Variants in FEZ1 observed in about 807,000 individuals in gnomAD.
FEZ1 encodes the protein fasciculation and elongation protein zeta-1.
FEZ1 carries 20 observed loss-of-function variants against 49.3 expected under a neutral mutation model. The ratio of observed to expected loss-of-function variants is 0.41; its 90% confidence interval spans 0.29 to 0.59. FEZ1 has a LOEUF of 0.59. Among genes scored for constraint, FEZ1 ranks in the 20% least tolerant of loss-of-function variants. The pLI, the probability that FEZ1 is intolerant of heterozygous loss-of-function variation, is 0.36. For missense variants in FEZ1, 413 were observed against 476.0 expected (o/e 0.87, Z 1.23); for synonymous variants, 170 against 180.9 (o/e 0.94, Z 0.48).
intron 2 of FEZ1, among the ~76,000 whole-genome samples, chr11:125,487,155 C>T (rs548732870): frequency 3.5e-4 from 54 of 152,268 alleles, no homozygotes; most frequent in Non-Finnish European, 6.8e-4. Flanking sequence ...CAGTAAGAAT[C>T]TGCTCATTGG....
At chr11:125,486,432 G>T (rs1591601555) in intron 2 of FEZ1, among the ~76,000 whole-genome samples, 1 of 152,150 alleles carries the variant, frequency 6.6e-6, no homozygotes. Flanking sequence ...TTTCTTGAAT[G>T]CAAAACCAAA....
At chr11:125,459,628 T>C (rs917557080) in intron 5 of FEZ1, among the ~76,000 whole-genome samples, 1 of 152,080 alleles carries the variant, frequency 6.6e-6, no homozygotes, top group Non-Finnish European at 1.5e-5. Flanking sequence ...AGTAACAAAA[T>C]AGTTTTCTTT....
chr11:125,493,402 GAAAGAAA>G (rs1957408862), intron 1 of FEZ1, among the ~76,000 whole-genome samples: 3 of 68,374 alleles, frequency 4.4e-5, no homozygotes, highest in Admixed American at 1.7e-4. Context: ...AAGAAAGAAA[GAAAGAAA>G]GAAAGAAAGA....
intron 5 of FEZ1, 48 bp from the exon 6 acceptor site, chr11:125,456,154 G>A: frequency 2.0e-6 from 3 of 1,516,874 alleles, no homozygotes; most frequent in Non-Finnish European, 2.6e-6. Context: ...CCACACCAGA[G>A]CCCGCTGGGG....
At chr11:125,482,069 G>A (rs552587102) in intron 2 of FEZ1, among the ~76,000 whole-genome samples, 3 of 152,278 alleles carry the variant, frequency 2.0e-5, no homozygotes. Flanking sequence ...GGAACACAGA[G>A]AAAGAGAGAT....
In FEZ1 at chr11:125,443,642, G is replaced by T. The variant is rs1057292142; in HGVS notation, c.*2453C>A. On this transcript the variant is annotated 3_prime_UTR_variant, in exon 10 of 10. Transcript: ENST00000278919. ...CATTTCTAACAAGCTTCTAAGTGCGGTCAGTGCTGCTGGCCTGGAAAGCAC... is the reference window on the plus strand; with the variant it reads ...CATTTCTAACAAGCTTCTAAGTGCGTTCAGTGCTGCTGGCCTGGAAAGCAC... Among the ~76,000 whole-genome samples the T allele has an allele frequency of 6.6e-6, 1 of 152,162 alleles. No individual in the cohort carries two copies. The highest frequency in any genetic ancestry group is 2.4e-5 in the African/African-American group (1 of 41,442).
chr11:125,462,874 C>T (rs998719550), intron 4 of FEZ1, among the ~76,000 whole-genome samples: 4 of 151,840 alleles, frequency 2.6e-5, no homozygotes, highest in African/African-American at 9.7e-5. Context: ...GTGATGCATG[C>T]CTGTAGTCCC....
At chr11:125,463,762 T>C (rs1368181058) in intron 3 of FEZ1, among the ~76,000 whole-genome samples, 192 bp from the exon 4 acceptor site, 1 of 152,208 alleles carries the variant, frequency 6.6e-6, no homozygotes, top group African/African-American at 2.4e-5. Context: ...AACTCCAGCA[T>C]GCCAGAAATC....
At chr11:125,473,675 T>C (rs921351765) in intron 3 of FEZ1, among the ~76,000 whole-genome samples, 2 of 151,910 alleles carry the variant, frequency 1.3e-5, no homozygotes, top group Non-Finnish European at 2.9e-5. Flanking sequence ...AAAAATTAGC[T>C]GGGCATGGTT....
chr11:125,483,118 T>C (rs956737581), intron 2 of FEZ1, among the ~76,000 whole-genome samples: 1 of 150,672 alleles, frequency 6.6e-6, no homozygotes, highest in Non-Finnish European at 1.5e-5. Context: ...AATAAGCAAG[T>C]ATGTATATAT....
chr11:125,489,872 T>C lies in FEZ1; in HGVS notation c.-45-50A>G. On this transcript the variant is annotated intron_variant, in intron 1 of 9. Transcript: ENST00000278919. The surrounding 1 kb of genome is among the most constrained non-coding windows in gnomAD (Gnocchi z 4.2). ...TGAGTTTAGACCAGGCTAATCTAAA[T>C]AATAGAGTTAACTTTAGAGACACAC... 1.4e-6 allele frequency: 2 copies of C among 1,422,454 alleles called. No homozygotes were observed. Among genetic ancestry groups the C allele is most frequent in the Non-Finnish European group, 1.8e-6 (2 of 1,083,256 alleles). 88.1% of individuals were successfully genotyped at this position (1,422,454 alleles called of 1,614,324 possible). A position where few individuals can be genotyped will look rare whatever the true frequency, so the allele number is the denominator to read the frequency against.
At position 125,446,002 on chromosome 11, in the gene FEZ1, C is replaced by T. The variant is rs974580803; in HGVS notation, c.*93G>A. ...AGGTTAAGCTATACACGTTTAAATA[C>T]ATGTCGGAGGTTACATGGTCTCATG... On this transcript the variant is annotated 3_prime_UTR_variant, in exon 10 of 10. Transcript: ENST00000278919. 7 of 1,261,398 alleles carry T rather than the reference C, an allele frequency of 5.5e-6. No homozygotes were observed. In the South Asian group the frequency reaches 8.4e-5, roughly 15 times the overall value. The allele number at this position is 1,261,398 out of a possible 1,614,324, so 78.1% of individuals were successfully genotyped here.
intron 5 of FEZ1, among the ~76,000 whole-genome samples, chr11:125,459,091 G>A (rs536925726): frequency 2.0e-5 from 3 of 151,924 alleles, no homozygotes; most frequent in South Asian, 4.2e-4. Flanking sequence ...AGAAAGAAAA[G>A]AAAAAGAAAC....
rs1387521360 is a variant in FEZ1 at position 125,455,914 on chromosome 11, A to G, written c.860T>C (p.Leu287Pro). ...TTTCTCTTTCCGCCTCTTTTTCATC[A>G]GTTCTCGCTGCTCCTTCTGCTTGTT... ...VQNKQKEQRE[L>P]MKKRRKEKGL... is the part of the protein sequence containing the mutation. The change falls in exon 6 of 10, where the codon CTG becomes CCG. Residue 287 changes from leucine (L) to proline (P), a missense_variant. By Grantham distance (98) the Leu-to-Pro change is moderately conservative. Coordinates refer to ENST00000278919, the MANE Select transcript of FEZ1 (RefSeq NM_005103.5). 3 of 1,613,340 alleles carry G rather than the reference A, an allele frequency of 1.9e-6. No individual in the cohort carries two copies. The highest frequency in any genetic ancestry group is 1.1e-5 in the South Asian group (1 of 91,008).
chr11:125,446,073 G>A lies in FEZ1; in HGVS notation c.*22C>T, dbSNP rs760366665. ...CTCTTGCTCAGTGACCTCCTGCAGC[G>A]AGGCTGCTCCAAAGGGCAAGGTTAG... On this transcript the variant is annotated 3_prime_UTR_variant, in exon 10 of 10. Transcript: ENST00000278919. 222 of 1,612,766 alleles carry A rather than the reference G, an allele frequency of 1.4e-4. 2 individuals carry two copies. In the East Asian group the frequency reaches 4.4e-3, roughly 32 times the overall value.
intron 7 of FEZ1, chr11:125,452,716 G>A (rs1322955732): frequency 2.6e-5 from 8 of 306,762 alleles, no homozygotes; most frequent in African/African-American, 1.7e-4. Flanking sequence ...AAATCCAAGG[G>A]GATTATATTT....
At chr11:125,446,647 TG>T (rs1174930929) in intron 9 of FEZ1, among the ~76,000 whole-genome samples, 2 of 41,948 alleles carry the variant, frequency 4.8e-5, no homozygotes, top group Non-Finnish European at 1.4e-4. Context: ...TGTGTTTTGT[TG>T]TTGTTGTTGT....
intron 3 of FEZ1, among the ~76,000 whole-genome samples, chr11:125,475,292 A>G (rs1957221211): frequency 6.6e-6 from 1 of 151,860 alleles, no homozygotes; most frequent in African/African-American, 2.4e-5. Context: ...ACACACACAC[A>G]CACACACACA....
At chr11:125,468,510 G>C (rs1957154624) in intron 3 of FEZ1, among the ~76,000 whole-genome samples, 1 of 152,128 alleles carries the variant, frequency 6.6e-6, no homozygotes, top group Non-Finnish European at 1.5e-5. Context: ...TTTTTAAAAT[G>C]ATTTCCTGTT....
Sources: allele counts gnomAD v4.1 joint callset (sites outside exome capture counted in the v4.1 genomes callset), GRCh38; gene constraint gnomAD v4.1.1; non-coding constraint Gnocchi (gnomAD v3.1); transcripts MANE v1.5; gene names NCBI Gene and HGNC (gene_info 2026-07-23, HGNC 2026-07-21).